The following SESTD1 variants were observed in gnomAD, a reference collection of about 807,000 sequenced individuals.
The protein encoded by SESTD1 is SEC14 domain and spectrin repeat-containing protein 1.
A neutral mutation model predicts 101.7 loss-of-function variants in SESTD1; 43 were observed. The observed-to-expected ratio is 0.42, with a 90% CI of 0.33 to 0.55. SESTD1 has a LOEUF of 0.55. Ranked by LOEUF, SESTD1 falls within the 20% of genes least tolerant of loss-of-function variation. The pLI, the probability that SESTD1 is intolerant of heterozygous loss-of-function variation, is 0.07. For missense variants in SESTD1, 647 were observed against 815.1 expected, an observed-to-expected ratio of 0.79 and a Z score of 2.51; for synonymous variants, 283 against 286.8, an observed-to-expected ratio of 0.99 and a Z score of 0.13.
At chr2:179,256,168 G>GT (rs1472651515) in intron 1 of SESTD1, among the ~76,000 whole-genome samples, 1 of 152,226 alleles carries the variant, frequency 6.6e-6, no homozygotes, top group East Asian at 1.9e-4. Flanking sequence ...AGATCAAGGA[G>GT]TAAGTTTGAC....
intron 1 of SESTD1, among the ~76,000 whole-genome samples, chr2:179,233,058 A>G (rs1351457482): frequency 6.6e-6 from 1 of 152,182 alleles, no homozygotes; most frequent in Non-Finnish European, 1.5e-5. Context: ...AGAAAGCAAA[A>G]AAATTCTAAG....
chr2:179,239,289 T>C (rs1411298678), intron 1 of SESTD1, among the ~76,000 whole-genome samples: 1 of 152,192 alleles, frequency 6.6e-6, no homozygotes. Flanking sequence ...TCATATTGTC[T>C]ACAGAAATTT....
Position 179,176,495 on chromosome 2 carries a change from T to C in SESTD1, c.208A>G (p.Arg70Gly), listed in dbSNP as rs1027635381. Reference sequence around the variant, plus strand: ...TTCACCACATTCCACTGTGATTTTCTGCCATCCACAATCACGGTAAATCCT... The same window carrying C: ...TTCACCACATTCCACTGTGATTTTCCGCCATCCACAATCACGGTAAATCCT... ...ARGFTVIVDG[R>G]KSQWNVVKTV... is the part of the protein sequence containing the mutation. Residue 70 changes from arginine (R) to glycine (G), a missense_variant, in exon 4 of 18, where the codon AGA (arginine) becomes GGA (glycine). Coordinates refer to ENST00000428443, the MANE Select transcript of SESTD1 (RefSeq NM_178123.5). 1 of 1,613,640 alleles carries C rather than the reference T, an allele frequency of 6.2e-7. No homozygotes were observed. Among genetic ancestry groups the C allele is most frequent in the Non-Finnish European group, 8.5e-7 (1 of 1,179,836 alleles).
At position 179,125,480 on chromosome 2, in the gene SESTD1, G is replaced by A. The variant is rs539907883; in HGVS notation, c.973-922C>T. On this transcript the variant is annotated intron_variant, in intron 10 of 17. Coordinates refer to ENST00000428443, the MANE Select transcript of SESTD1 (RefSeq NM_178123.5). ...AATGTGTGCCTGTACCAGAGTAGCCGAACATGGGTAGACTAAAAACAACTA... is the reference window on the plus strand; with the variant it reads ...AATGTGTGCCTGTACCAGAGTAGCCAAACATGGGTAGACTAAAAACAACTA... 6.6e-3 allele frequency among the ~76,000 whole-genome samples: 998 copies of A among 152,234 alleles called. 10 individuals carry two copies. Among genetic ancestry groups the A allele is most frequent in the Non-Finnish European group, 9.0e-3 (613 of 68,020 alleles).
At chr2:179,164,712 GTGAA>G (rs1286071899) in intron 5 of SESTD1, among the ~76,000 whole-genome samples, 1 of 152,148 alleles carries the variant, frequency 6.6e-6, no homozygotes, top group Non-Finnish European at 1.5e-5. Flanking sequence ...CATTGGAGGA[GTGAA>G]TAGTAAGGAG....
chr2:179,255,152 A>G (rs987160412), intron 1 of SESTD1, among the ~76,000 whole-genome samples: 1 of 152,172 alleles, frequency 6.6e-6, no homozygotes, highest in African/African-American at 2.4e-5. Context: ...AGGAGACACA[A>G]TAATACTGAA....
intron 13 of SESTD1, among the ~76,000 whole-genome samples, 161 bp from the exon 14 acceptor site, chr2:179,117,774 T>A (rs1335220534): frequency 6.6e-6 from 1 of 152,232 alleles, no homozygotes; most frequent in East Asian, 1.9e-4. Flanking sequence ...ATTTTAGGGA[T>A]ATTTATATCA....
At chr2:179,144,684 A>C (rs1355378720) in intron 8 of SESTD1, among the ~76,000 whole-genome samples, 1 of 152,122 alleles carries the variant, frequency 6.6e-6, no homozygotes, top group Non-Finnish European at 1.5e-5. Flanking sequence ...AATATATAGC[A>C]ACTGAACTTT....
chr2:179,225,026 C>T (rs1478715640), intron 1 of SESTD1, among the ~76,000 whole-genome samples: 1 of 152,224 alleles, frequency 6.6e-6, no homozygotes, highest in Non-Finnish European at 1.5e-5. Context: ...ACACAGGTCA[C>T]AACCTGGGGC....
chr2:179,182,259 A>AACACACAC (rs200342356), intron 3 of SESTD1, among the ~76,000 whole-genome samples: 2 of 150,138 alleles, frequency 1.3e-5, no homozygotes, highest in East Asian at 1.9e-4. Flanking sequence ...TACACACACA[A>AACACACAC]ACACACACAC....
Position 179,101,704 on chromosome 2 carries a change from C to T in SESTD1, c.*8195G>A, listed in dbSNP as rs1028842026. On this transcript the variant is annotated 3_prime_UTR_variant, in exon 18 of 18. Coordinates refer to ENST00000428443, the MANE Select transcript of SESTD1 (RefSeq NM_178123.5). ...TGATATTGACTCATTCACATTTTCT[C>T]CCAATTTTATTTTGAACAAACACAA... 2 of 152,134 alleles carry T rather than the reference C, an allele frequency of 1.3e-5. No individual in the cohort carries two copies. The highest frequency in any genetic ancestry group is 4.8e-5 in the African/African-American group (2 of 41,448). The allele number at this position is 152,134 out of a possible 1,614,324, so 9.4% of individuals were successfully genotyped here. A position where few individuals can be genotyped will look rare whatever the true frequency, so the allele number is the denominator to read the frequency against.
rs574594302 is a variant in SESTD1 at position 179,214,727 on chromosome 2, C to T, written c.-25-22861G>A. Among the ~76,000 whole-genome samples, 5 of 134,890 alleles carry T rather than the reference C, an allele frequency of 3.7e-5. 1 individual carries two copies. The highest frequency in any genetic ancestry group is 8.0e-5 in the Non-Finnish European group (5 of 62,878). The allele number at this position is 134,890 out of a possible 152,430, so 88.5% of individuals were successfully genotyped here. A position where few individuals can be genotyped will look rare whatever the true frequency, so the allele number is the denominator to read the frequency against. On this transcript the variant is annotated intron_variant, in intron 1 of 17. Transcript: ENST00000428443. ...ATCACACTTATTCTAAAATTGACCA[C>T]GTAATTGGAAGTAAAGCACTTCTGA...
At chr2:179,229,484 C>G (rs905316670) in intron 1 of SESTD1, among the ~76,000 whole-genome samples, 1 of 151,884 alleles carries the variant, frequency 6.6e-6, no homozygotes, top group Non-Finnish European at 1.5e-5. Flanking sequence ...TTCTCAGCCT[C>G]CGTGATTACA....
intron 2 of SESTD1, among the ~76,000 whole-genome samples, chr2:179,183,996 A>G (rs1414886720): frequency 6.6e-6 from 1 of 152,114 alleles, no homozygotes; most frequent in African/African-American, 2.4e-5. Flanking sequence ...GAGTTAACTC[A>G]CAAAGGTCAG....
intron 8 of SESTD1, among the ~76,000 whole-genome samples, chr2:179,145,382 C>T (rs1293364521): frequency 6.6e-6 from 1 of 152,110 alleles, no homozygotes; most frequent in East Asian, 1.9e-4. Flanking sequence ...TTTTATGCTT[C>T]AGCTTTCCCA....
At chr2:179,249,212 TAAA>T (rs58597141) in intron 1 of SESTD1, among the ~76,000 whole-genome samples, 2 of 126,028 alleles carry the variant, frequency 1.6e-5, no homozygotes, top group Non-Finnish European at 3.3e-5. Flanking sequence ...GCATACAGAT[TAAA>T]AAAAAAAAAA....
chr2:179,181,317 A>G (rs2046105046), intron 3 of SESTD1, among the ~76,000 whole-genome samples: 1 of 152,136 alleles, frequency 6.6e-6, no homozygotes, highest in Non-Finnish European at 1.5e-5. Flanking sequence ...TGATTCCAGT[A>G]TACACAAACA....
In SESTD1 at chr2:179,213,275, T is replaced by C. The variant is rs564715074; in HGVS notation, c.-25-21409A>G. ...AAAAAACGTTAGACAAATGGCTAAT[T>C]AGAATAAACAGTATAGAGAAGACCT... On this transcript the variant is annotated intron_variant, in intron 1 of 17. Transcript: ENST00000428443. Among the ~76,000 whole-genome samples, 11 of 134,580 alleles carry C rather than the reference T, an allele frequency of 8.2e-5. 3 individuals carry two copies. The East Asian group carries it at 2.0e-3, about 24-fold the overall frequency. 88.3% of individuals were successfully genotyped at this position (134,580 alleles called of 152,430 possible). A position where few individuals can be genotyped will look rare whatever the true frequency, so the allele number is the denominator to read the frequency against.
intron 13 of SESTD1, among the ~76,000 whole-genome samples, chr2:179,118,792 C>T (rs1001130038): frequency 2.0e-5 from 3 of 152,046 alleles, no homozygotes; most frequent in Non-Finnish European, 4.4e-5. Flanking sequence ...CAAGATGCTC[C>T]CATTTGCAGA....
Sources: gnomAD v4.1 joint callset for allele counts (sites outside exome capture counted in the v4.1 genomes callset) on GRCh38, gnomAD v4.1.1 for gene constraint, MANE v1.5 for transcripts, NCBI Gene and HGNC (gene_info 2026-07-23, HGNC 2026-07-21) for gene names.